The following ZNF880 variants were observed in gnomAD, a reference collection of about 807,000 sequenced individuals.
The protein encoded by ZNF880 is zinc finger protein LOC400713.
A neutral mutation model predicts 11.8 loss-of-function variants in ZNF880; 12 were observed. The observed-to-expected ratio is 1.02, with a 90% CI of 0.65 to 1.65. ZNF880 has a LOEUF of 1.65. Among genes scored for constraint, ZNF880 ranks in the 40% most tolerant of loss-of-function variants. The probability of loss-of-function intolerance (pLI) is 0.00; values close to 1 mark genes in which losing one functional copy is unlikely to be tolerated. For synonymous variants in ZNF880, 210 were observed against 232.4 expected, an observed-to-expected ratio of 0.90 and a Z score of 0.88; for missense variants, 601 against 673.9, an observed-to-expected ratio of 0.89 and a Z score of 1.20.
chr19:52,370,630 CAT>C (rs1461223051), intron 1 of ZNF880: 3 of 152,206 alleles, frequency 2.0e-5, no homozygotes, highest in African/African-American at 7.2e-5. Flanking sequence ...ATTTTTGAAA[CAT>C]ATGTTTCAGT....
chr19:52,366,858 G>T (rs978752798), upstream of ZNF880: 3 of 1,066,976 alleles, frequency 2.8e-6, no homozygotes, highest in Admixed American at 5.0e-5. Flanking sequence ...ATGTGGCAAA[G>T]AATTTAGTTT....
At chr19:52,378,214 A>G (rs888893586) in intron 3 of ZNF880, among the ~76,000 whole-genome samples, 1 of 152,114 alleles carries the variant, frequency 6.6e-6, no homozygotes, top group African/African-American at 2.4e-5. Context: ...GAAGAGACCA[A>G]TGTATGCATT....
Position 52,384,820 on chromosome 19 carries a change from G to A in ZNF880, c.1240G>A (p.Gly414Ser), listed in dbSNP as rs780266123. Residue 414 changes from glycine (G) to serine (S), a missense_variant, in exon 4 of 4, where the codon GGC (glycine) becomes AGC (serine). Transcript: ENST00000422689. ...GEQPYKCNEC[G>S]KAFRDCSGLT... ...GCAACCTTACAAATGTAATGAATGT[G>A]GCAAAGCATTTAGAGACTGTTCAGG... is the stretch of plus-strand genomic sequence containing the variant. The A allele has an allele frequency of 7.5e-6, 12 of 1,599,566 alleles. No homozygotes were observed. The African/African-American group carries it at 1.5e-4, about 20-fold the overall frequency.
chr19:52,377,647 GC>G (rs1986593095), intron 3 of ZNF880, among the ~76,000 whole-genome samples: 1 of 152,060 alleles, frequency 6.6e-6, no homozygotes, highest in African/African-American at 2.4e-5. Context: ...TGCTAGGGTG[GC>G]CCACAGAACT....
chr19:52,368,005 C>T (rs1221338201), upstream of ZNF880, among the ~76,000 whole-genome samples: 1 of 151,542 alleles, frequency 6.6e-6, no homozygotes, highest in Non-Finnish European at 1.5e-5. Context: ...TTGAGGCCAT[C>T]CTGGTCAACA....
downstream of ZNF880, among the ~76,000 whole-genome samples, chr19:52,387,560 T>C (rs926033143): frequency 3.5e-5 from 5 of 141,506 alleles, no homozygotes; most frequent in Admixed American, 2.8e-4. Context: ...GCAATTCTCC[T>C]GCTTCAGCTT....
rs895042994 is a variant in ZNF880 at position 52,385,160 on chromosome 19, A to G, written c.1580A>G (p.Lys527Arg). Residue 527 changes from lysine (K) to arginine (R), a missense_variant, in exon 4 of 4, where the codon AAG becomes AGG. Physicochemically the swap from Lys to Arg is conservative, Grantham distance 26. Around this residue, in one of 3 missense-constraint regions of ZNF880, gnomAD observed 177 missense variants for 214.5 expected, o/e 0.83. Coordinates refer to ENST00000422689, the MANE Select transcript of ZNF880 (RefSeq NM_001145434.2). The part of the protein sequence containing the change: ...EKSYKCNECG[K>R]VFSHKLYLKK... ...TCTTACAAATGCAATGAATGTGGCA[A>G]GGTCTTCAGCCACAAGTTATACCTA... 12 of 1,555,520 alleles carry G rather than the reference A, an allele frequency of 7.7e-6. No homozygotes were observed. The African/African-American group carries it at 1.5e-4, about 19-fold the overall frequency.
upstream of ZNF880, chr19:52,366,972 T>C (rs886592900): frequency 7.5e-6 from 4 of 534,582 alleles, no homozygotes; most frequent in East Asian, 5.9e-5. Flanking sequence ...AGAACAGTTA[T>C]ATCAGAATAG....
rs182431041 is a variant in ZNF880 at position 52,373,828 on chromosome 19, G to A, written c.140-471G>A. On this transcript the variant is annotated intron_variant, in intron 2 of 3. Transcript: ENST00000422689. ...TGGGACTACAGGCACGTGCCACCAC[G>A]CCTGGCTAATTTTTGTATTTTTAGT... Among the ~76,000 whole-genome samples, 5 of 151,494 alleles carry A rather than the reference G, an allele frequency of 3.3e-5. No individual in the cohort carries two copies. In the East Asian group the frequency reaches 9.8e-4, roughly 30 times the overall value.
rs7256723 is a variant in ZNF880, at chr19:52,373,064, C to T, written c.13-47C>T. ...TCAAGTCAGTCCTTACAACTGTCTC[C>T]TCATTTTGTGTGATATCCTGTTGGT... On this transcript the variant is annotated intron_variant, in intron 1 of 3. Transcript: ENST00000422689. 7,836 of 1,605,382 alleles carry T rather than the reference C, an allele frequency of 4.9e-3. 340 individuals carry two copies. In the African/African-American group the frequency reaches 0.092, roughly 19 times the overall value.
At chr19:52,377,669 C>G (rs564073159) in intron 3 of ZNF880, among the ~76,000 whole-genome samples, 3 of 152,216 alleles carry the variant, frequency 2.0e-5, no homozygotes, top group African/African-American at 7.2e-5. Flanking sequence ...CAGTAAAACA[C>G]TTTCTTAGGT....
intron 3 of ZNF880, among the ~76,000 whole-genome samples, chr19:52,376,579 G>A (rs1208338734): frequency 8.0e-6 from 1 of 125,220 alleles, no homozygotes; most frequent in African/African-American, 3.0e-5. Flanking sequence ...GCATGATCTC[G>A]GCCCCCTGCA....
At chr19:52,374,530 G>A (rs1463801969) in intron 3 of ZNF880, 103 bp downstream of exon 3, 3 of 1,379,368 alleles carry the variant, frequency 2.2e-6, no homozygotes, top group Non-Finnish European at 3.0e-6. Context: ...AATCATCAGT[G>A]GCAATCGTGG....
chr19:52,379,944 G>GTT (rs1485806301), intron 3 of ZNF880: 1 of 151,952 alleles, frequency 6.6e-6, no homozygotes, highest in Non-Finnish European at 1.5e-5. Flanking sequence ...TGTCACCCAG[G>GTT]ATAGAGTGTG....
Position 52,384,161 on chromosome 19 carries a change from G to A in ZNF880, c.581G>A (p.Arg194Lys), listed in dbSNP as rs1386555624. The A allele has an allele frequency of 2.5e-6, 4 of 1,608,260 alleles. No individual in the cohort carries two copies. Among genetic ancestry groups the A allele is most frequent in the Admixed American group, 1.7e-5 (1 of 58,620 alleles). The change falls in exon 4 of 4, where the codon AGA (arginine) becomes AAA (lysine). Residue 194 changes from arginine to lysine, a missense_variant. This residue lies in a region of ZNF880 where 420 missense variants were observed against 442.6 expected (regional missense o/e 0.95). Coordinates refer to ENST00000422689, the MANE Select transcript of ZNF880 (RefSeq NM_001145434.2). ...TGTAATGAGCATGGCAAAGCCTTTA[G>A]AGTGTCTTCAAGACTTGCTAACAAT... ...CECNEHGKAF[R>K]VSSRLANNQV...
At chr19:52,372,739 A>C (rs1246770660) in intron 1 of ZNF880, among the ~76,000 whole-genome samples, 6 of 149,040 alleles carry the variant, frequency 4.0e-5, no homozygotes, top group Admixed American at 3.3e-4. Flanking sequence ...ATCTCTACTA[A>C]CAATACAAAA....
intron 1 of ZNF880, among the ~76,000 whole-genome samples, chr19:52,371,820 T>C (rs1271492471): frequency 6.6e-6 from 1 of 152,210 alleles, no homozygotes; most frequent in Non-Finnish European, 1.5e-5. Context: ...GATTGTTCTT[T>C]TATGGGCTTT....
chr19:52,367,061 T>C, upstream of ZNF880: 1 of 358,712 alleles, frequency 2.8e-6, no homozygotes, highest in Admixed American at 4.1e-5. Context: ...AATTTGTAAC[T>C]CTTTGATTTA....
At chr19:52,393,832 CCCCT>C in the ZNF880 span, among the ~76,000 whole-genome samples, 1 of 146,428 alleles carries the variant, frequency 6.8e-6, no homozygotes, top group African/African-American at 2.5e-5. Context: ...CTTTGCCCCC[CCCCT>C]TTTTTTTTTT....
Sources: allele counts gnomAD v4.1 joint callset (sites outside exome capture counted in the v4.1 genomes callset), GRCh38; gene constraint gnomAD v4.1.1; regional missense constraint gnomAD v4.1.1; transcripts MANE v1.5; gene names NCBI Gene and HGNC (gene_info 2026-07-23, HGNC 2026-07-21).